The following PTPN4 variants were observed in gnomAD, a reference collection of about 807,000 sequenced individuals.
PTPN4 encodes the protein protein tyrosine phosphatase non-receptor type 4.
PTPN4 carries 49 observed loss-of-function variants against 135.5 expected under a neutral mutation model. The ratio of observed to expected loss-of-function variants is 0.36; its 90% CI spans 0.29 to 0.46. PTPN4 has a LOEUF of 0.46. Among genes scored for constraint, PTPN4 ranks in the 20% least tolerant of loss-of-function variants. PTPN4 has a pLI of 1.00. For missense variants in PTPN4, 860 were observed against 1,101.0 expected, an observed-to-expected ratio of 0.78 and a Z score of 3.10; for synonymous variants, 333 against 369.9, an observed-to-expected ratio of 0.90 and a Z score of 1.14.
intron 3 of PTPN4, among the ~76,000 whole-genome samples, chr2:119,866,217 G>T (rs1028901168): frequency 1.3e-5 from 2 of 151,978 alleles, no homozygotes; most frequent in Admixed American, 1.3e-4. Context: ...TTTAACAGAG[G>T]CTTGAGATTA....
In PTPN4 at chr2:119,921,190, G is replaced by C. The variant is rs564161904; in HGVS notation, c.1001+949G>C. On this transcript the variant is annotated intron_variant, in intron 12 of 26. Coordinates refer to ENST00000263708, the MANE Select transcript of PTPN4 (RefSeq NM_002830.4). ...TAATCCCAGCTACTTGGGAGGCTGA[G>C]GCACGAGAATTGCTTGAACCCAGGA... is the stretch of plus-strand genomic sequence containing the variant. 7.0e-4 allele frequency among the ~76,000 whole-genome samples: 106 copies of C among 152,248 alleles called. 1 individual carries two copies. The highest frequency in any genetic ancestry group is 6.4e-3 in the East Asian group (33 of 5,176).
intron 5 of PTPN4, among the ~76,000 whole-genome samples, chr2:119,881,218 A>G (rs1558753466): frequency 6.6e-6 from 1 of 152,206 alleles, no homozygotes; most frequent in Admixed American, 6.5e-5. Flanking sequence ...AATTCTAACA[A>G]TAGTAGACAA....
rs527665470 is a variant in PTPN4, at chr2:119,808,591, A to G, written c.-17-1246A>G. ...GTAAAAGAGGCCCAGCTAATTTTTA[A>G]AACATTCTTTTTTGTAGAAACAGGG... On this transcript the variant is annotated intron_variant, in intron 1 of 26. Transcript: ENST00000263708. 6.0e-4 allele frequency among the ~76,000 whole-genome samples: 91 copies of G among 152,260 alleles called. No homozygotes were observed. In the South Asian group the frequency reaches 8.7e-3, roughly 15 times the overall value.
At chr2:119,940,939 G>C (rs1679053325) in intron 15 of PTPN4, among the ~76,000 whole-genome samples, 1 of 151,718 alleles carries the variant, frequency 6.6e-6, no homozygotes, top group African/African-American at 2.4e-5. Flanking sequence ...ATCTTTTCCA[G>C]CTCCCTTCCT....
At chr2:119,763,641 T>C (rs997380766) in intron 1 of PTPN4, among the ~76,000 whole-genome samples, 8 of 152,216 alleles carry the variant, frequency 5.3e-5, no homozygotes, top group African/African-American at 1.9e-4. Context: ...GATGGAAATA[T>C]TCTTTTTTCC....
chr2:119,843,053 T>C (rs1677405416), intron 2 of PTPN4, among the ~76,000 whole-genome samples: 1 of 152,238 alleles, frequency 6.6e-6, no homozygotes, highest in Non-Finnish European at 1.5e-5. Context: ...GTTGCATTTT[T>C]AAAAATGATT....
intron 1 of PTPN4, among the ~76,000 whole-genome samples, chr2:119,766,982 C>T (rs1040862272): frequency 2.6e-5 from 4 of 152,146 alleles, no homozygotes; most frequent in Admixed American, 1.3e-4. Flanking sequence ...GAAGTTGTCA[C>T]GAGTTCTCAT....
intron 1 of PTPN4, among the ~76,000 whole-genome samples, chr2:119,772,310 T>C (rs1690750795): frequency 6.6e-6 from 1 of 152,240 alleles, no homozygotes; most frequent in African/African-American, 2.4e-5. Context: ...TCATTTTGTA[T>C]CTGGCTATTT....
chr2:119,793,515 C>T (rs533216957), intron 1 of PTPN4, among the ~76,000 whole-genome samples: 57 of 152,214 alleles, frequency 3.7e-4, no homozygotes, highest in African/African-American at 1.1e-3. Flanking sequence ...ACATCCTCAG[C>T]TTACAAAGAT....
intron 10 of PTPN4, among the ~76,000 whole-genome samples, chr2:119,905,192 A>G (rs1297819709): frequency 2.0e-5 from 3 of 152,198 alleles, no homozygotes; most frequent in Non-Finnish European, 4.4e-5. Flanking sequence ...TAAAACTTAG[A>G]CACTGGCTGA....
chr2:119,915,147 A>C, intron 10 of PTPN4, 32 bp from the exon 11 acceptor site: 2 of 1,461,714 alleles, frequency 1.4e-6, no homozygotes, highest in Non-Finnish European at 1.8e-6. Context: ...TCATTATTCA[A>C]TACTTTGAAT....
At chr2:119,931,206 A>G (rs770227246) in intron 13 of PTPN4, among the ~76,000 whole-genome samples, 9 of 152,076 alleles carry the variant, frequency 5.9e-5, no homozygotes, top group Non-Finnish European at 1.3e-4. Flanking sequence ...TATACTTTAT[A>G]TATGTAGCTT....
intron 1 of PTPN4, chr2:119,771,393 G>A (rs1489849840): frequency 6.6e-6 from 1 of 152,182 alleles, no homozygotes; most frequent in Non-Finnish European, 1.5e-5. Context: ...TTATTTGAGT[G>A]CAGATCTGTA....
At chr2:119,949,893 C>G (rs1224880415) in intron 18 of PTPN4, among the ~76,000 whole-genome samples, 2 of 151,750 alleles carry the variant, frequency 1.3e-5, no homozygotes, top group Non-Finnish European at 2.9e-5. Context: ...ACACACAGAG[C>G]AAGACCCTCA....
intron 25 of PTPN4, among the ~76,000 whole-genome samples, chr2:119,967,611 G>A (rs1679464269): frequency 6.6e-6 from 1 of 152,086 alleles, no homozygotes; most frequent in African/African-American, 2.4e-5. Flanking sequence ...CTTTAAAATA[G>A]TATTTTTCCA....
chr2:119,867,945 CCAG>C (rs1434066052), intron 3 of PTPN4, among the ~76,000 whole-genome samples: 1 of 152,166 alleles, frequency 6.6e-6, no homozygotes, highest in Admixed American at 6.5e-5. Flanking sequence ...CTGGCCGAAG[CCAG>C]CAGGGCAAAG....
intron 1 of PTPN4, among the ~76,000 whole-genome samples, chr2:119,785,344 A>AT (rs1691028925): frequency 1.3e-5 from 2 of 152,110 alleles, no homozygotes; most frequent in Admixed American, 6.5e-5. Flanking sequence ...AAAAATCTGT[A>AT]TTTTTTAAAA....
chr2:119,896,340 T>G (rs766902579), intron 9 of PTPN4, among the ~76,000 whole-genome samples: 4 of 152,268 alleles, frequency 2.6e-5, no homozygotes, highest in East Asian at 3.8e-4. Flanking sequence ...GGTTGTTGCT[T>G]CTTCTCTTGT....
chr2:119,840,692 T>A (rs146371098), intron 2 of PTPN4, among the ~76,000 whole-genome samples: 1 of 152,324 alleles, frequency 6.6e-6, no homozygotes, highest in African/African-American at 2.4e-5. Context: ...TGAACTAATT[T>A]ACACTCCCAC....
Sources: gnomAD v4.1 joint callset for allele counts (sites outside exome capture counted in the v4.1 genomes callset) on GRCh38, gnomAD v4.1.1 for gene constraint, MANE v1.5 for transcripts, NCBI Gene and HGNC (gene_info 2026-07-23, HGNC 2026-07-21) for gene names.